Variants in TIAM1 observed in about 807,000 individuals in gnomAD.
TIAM1 encodes rho guanine nucleotide exchange factor TIAM1.
TIAM1 carries 65 observed loss-of-function variants against 163.5 expected under a neutral mutation model. The observed-to-expected ratio is 0.40, with a 90% CI of 0.33 to 0.49. The LOEUF (loss-of-function observed/expected upper bound fraction) is 0.49, where lower values mean the gene tolerates loss of function less well. Ranked by LOEUF, TIAM1 falls within the 20% of genes least tolerant of loss-of-function variation. TIAM1 has a pLI of 0.77. For synonymous variants in TIAM1, 833 were observed against 810.1 expected, an observed-to-expected ratio of 1.03 and a Z score of -0.48; for missense variants, 1,789 against 2,044.7, an observed-to-expected ratio of 0.87 and a Z score of 2.41.
intron 13 of TIAM1, among the ~76,000 whole-genome samples, chr21:31,193,907 G>A (rs878988489): frequency 2.6e-5 from 4 of 152,090 alleles, no homozygotes; most frequent in African/African-American, 7.2e-5. Context: ...CATGGCCCCC[G>A]CCAGGCAAAG....
chr21:31,522,608 T>C (rs182948786), intron 1 of TIAM1, among the ~76,000 whole-genome samples: 1 of 152,276 alleles, frequency 6.6e-6, no homozygotes, highest in African/African-American at 2.4e-5. Context: ...AGGGAGCCCT[T>C]GTTCCTGGGC....
upstream of TIAM1, among the ~76,000 whole-genome samples, chr21:31,347,820 G>A (rs2076173953): frequency 2.1e-5 from 3 of 143,654 alleles, no homozygotes; most frequent in Non-Finnish European, 4.4e-5. Flanking sequence ...CTTTATGCAC[G>A]AACGTTCAGA....
intron 2 of TIAM1, among the ~76,000 whole-genome samples, chr21:31,373,445 G>C (rs571419726): frequency 6.6e-6 from 1 of 152,270 alleles, no homozygotes; most frequent in South Asian, 2.1e-4. Flanking sequence ...CACTTCTTTC[G>C]TGGTGGTGGC....
At chr21:31,254,505 G>GC (rs35068071) in intron 4 of TIAM1, among the ~76,000 whole-genome samples, 1 of 152,110 alleles carries the variant, frequency 6.6e-6, no homozygotes, top group East Asian at 1.9e-4. Context: ...ACCAGCCTGG[G>GC]CAACAAGGTG....
intron 2 of TIAM1, among the ~76,000 whole-genome samples, chr21:31,353,578 AT>A: frequency 6.6e-6 from 1 of 152,296 alleles, no homozygotes; most frequent in South Asian, 2.1e-4. Flanking sequence ...CCTGGTCCTC[AT>A]GACAGCTCAG....
intron 2 of TIAM1, among the ~76,000 whole-genome samples, chr21:31,326,479 G>A (rs2075491231): frequency 6.6e-6 from 1 of 152,138 alleles, no homozygotes; most frequent in African/African-American, 2.4e-5. Context: ...AGCTTTACCA[G>A]TTAACAATAC....
At chr21:31,367,145 G>A (rs937283526) in intron 2 of TIAM1, among the ~76,000 whole-genome samples, 1 of 151,990 alleles carries the variant, frequency 6.6e-6, no homozygotes, top group Non-Finnish European at 1.5e-5. Flanking sequence ...AAGGAGGGAG[G>A]GAGGGAGGGA....
chr21:31,243,201 A>AT (rs1555902426), intron 6 of TIAM1, among the ~76,000 whole-genome samples: 3 of 133,572 alleles, frequency 2.2e-5, no homozygotes, highest in Admixed American at 1.5e-4. Context: ...TCAAAAAAAA[A>AT]AAAAAAAAAT....
intron 6 of TIAM1, among the ~76,000 whole-genome samples, chr21:31,228,696 T>G (rs1228937616): frequency 6.6e-6 from 1 of 152,240 alleles, no homozygotes; most frequent in Non-Finnish European, 1.5e-5. Context: ...CAGTATATAC[T>G]GTAGGATTCT....
intron 2 of TIAM1, among the ~76,000 whole-genome samples, chr21:31,351,628 G>A (rs2076235658): frequency 6.6e-6 from 1 of 152,076 alleles, no homozygotes; most frequent in Admixed American, 6.6e-5. Flanking sequence ...AGCAGCCAGC[G>A]TCCTCCCAAA....
chr21:31,547,219 T>A (rs554239900), intron 1 of TIAM1, among the ~76,000 whole-genome samples: 2 of 152,244 alleles, frequency 1.3e-5, no homozygotes, highest in Non-Finnish European at 2.9e-5. Context: ...CTGGGATCTC[T>A]AAAGTCTTTG....
chr21:31,232,012 A>AT (rs2088467894), intron 6 of TIAM1, among the ~76,000 whole-genome samples: 2 of 150,442 alleles, frequency 1.3e-5, no homozygotes, highest in African/African-American at 5.0e-5. Flanking sequence ...ACTCCATCTC[A>AT]CAAAAAAAAA....
chr21:31,340,037 A>T (rs2075967908), intron 1 of TIAM1, among the ~76,000 whole-genome samples: 1 of 151,932 alleles, frequency 6.6e-6, no homozygotes, highest in Non-Finnish European at 1.5e-5. Context: ...AAATAACTCC[A>T]CACTTGAAGC....
chr21:31,262,469 C>T (rs1032971129), intron 4 of TIAM1, among the ~76,000 whole-genome samples: 1 of 152,222 alleles, frequency 6.6e-6, no homozygotes, highest in African/African-American at 2.4e-5. Context: ...TAGCATGAGG[C>T]TTTACTCATA....
chr21:31,304,047 G>T (rs955983515), intron 2 of TIAM1, among the ~76,000 whole-genome samples: 2 of 152,130 alleles, frequency 1.3e-5, no homozygotes, highest in African/African-American at 4.8e-5. Flanking sequence ...CTGTCCCAGG[G>T]TTCTACTTTC....
intron 2 of TIAM1, among the ~76,000 whole-genome samples, chr21:31,456,154 G>C (rs929415509): frequency 1.3e-5 from 2 of 152,178 alleles, no homozygotes; most frequent in Non-Finnish European, 2.9e-5. Flanking sequence ...AATCTCTTTT[G>C]CATTATATTC....
intron 2 of TIAM1, among the ~76,000 whole-genome samples, chr21:31,290,646 CAAAAAAAAAAAAAAAAAA>C (rs200030849): frequency 4.7e-5 from 3 of 63,212 alleles, no homozygotes; most frequent in Non-Finnish European, 9.2e-5. Flanking sequence ...GACTCTATCT[CAAAAAAAAAAAAAAAAAA>C]AAAAAAAAAA....
At chr21:31,217,972 T>A (rs543355624) in intron 8 of TIAM1, among the ~76,000 whole-genome samples, 8 of 152,326 alleles carry the variant, frequency 5.3e-5, no homozygotes, top group African/African-American at 1.7e-4. Flanking sequence ...AAAATATATG[T>A]TCTGTTTCCA....
At chr21:31,267,186 ACTGAGACTGCCCC>A (rs1445106801) in intron 3 of TIAM1, among the ~76,000 whole-genome samples, 2 of 152,122 alleles carry the variant, frequency 1.3e-5, no homozygotes, top group African/African-American at 4.8e-5. Context: ...AACATCATCT[ACTGAGACTGCCCC>A]CTGAGATGTG....
Sources: gnomAD v4.1 joint callset for allele counts (sites outside exome capture counted in the v4.1 genomes callset) on GRCh38, gnomAD v4.1.1 for gene constraint, MANE v1.5 for transcripts, NCBI Gene and HGNC (gene_info 2026-07-23, HGNC 2026-07-21) for gene names.